Variants in NFATC2 observed in about 807,000 individuals in gnomAD.
NFATC2 encodes the protein nuclear factor of activated T-cells, cytoplasmic 2.
NFATC2 carries 22 observed loss-of-function variants against 87.3 expected under a neutral mutation model. That is an observed-to-expected ratio of 0.25 (90% confidence interval 0.18 to 0.36). The LOEUF (loss-of-function observed/expected upper bound fraction) is 0.36. Among genes scored for constraint, NFATC2 ranks in the 10% least tolerant of loss-of-function variants. The probability of loss-of-function intolerance (pLI) is 1.00; values close to 1 mark genes in which losing one functional copy is unlikely to be tolerated. For missense variants in NFATC2, 1,149 were observed against 1,259.1 expected (o/e 0.91, Z 1.32); for synonymous variants, 565 against 542.2 (o/e 1.04, Z -0.58).
Position 51,401,759 on chromosome 20 carries a change from G to A in NFATC2, c.2723-3029C>T, listed in dbSNP as rs115079458. Among the ~76,000 whole-genome samples the A allele has an allele frequency of 9.1e-4, 138 of 152,274 alleles. 1 individual carries two copies. The highest frequency in any genetic ancestry group is 3.3e-3 in the African/African-American group (136 of 41,570). ...GCATAAACTGGTGAGTCATCCCACT[G>A]ATCCTATGGACTAGGTGATAATTTA... On this transcript the variant is annotated intron_variant, in intron 9 of 10. Coordinates refer to ENST00000371564, the MANE Select transcript of NFATC2 (RefSeq NM_012340.5).
At chr20:51,419,798 C>T (rs992350086) in intron 9 of NFATC2, among the ~76,000 whole-genome samples, 1 of 152,142 alleles carries the variant, frequency 6.6e-6, no homozygotes, top group Non-Finnish European at 1.5e-5. Context: ...CCCCTTCTCA[C>T]GTGTAGGAGA....
chr20:51,415,175 G>T (rs1424860396), intron 9 of NFATC2, among the ~76,000 whole-genome samples: 3 of 148,876 alleles, frequency 2.0e-5, no homozygotes, highest in African/African-American at 4.9e-5. Context: ...GGGCCTGGGA[G>T]TTTGAGGCTG....
At chr20:51,446,823 G>C (rs965655803) in intron 6 of NFATC2, among the ~76,000 whole-genome samples, 1 of 152,200 alleles carries the variant, frequency 6.6e-6, no homozygotes, top group African/African-American at 2.4e-5. Flanking sequence ...GCTCCAGCCC[G>C]GGGGGCCACT....
At chr20:51,531,734 C>G (rs1245866522) in intron 1 of NFATC2, among the ~76,000 whole-genome samples, 1 of 152,174 alleles carries the variant, frequency 6.6e-6, no homozygotes, top group African/African-American at 2.4e-5. Flanking sequence ...AGAATCAATA[C>G]CCAGTAAATG....
At chr20:51,558,688 G>C (rs1461745243) in intron 1 of NFATC2, among the ~76,000 whole-genome samples, 1 of 152,126 alleles carries the variant, frequency 6.6e-6, no homozygotes, top group Non-Finnish European at 1.5e-5. Context: ...CAAATAAATA[G>C]TTAAAGCCTG....
intron 3 of NFATC2, among the ~76,000 whole-genome samples, chr20:51,499,758 A>C (rs1388819636): frequency 6.6e-6 from 1 of 150,880 alleles, no homozygotes; most frequent in Non-Finnish European, 1.5e-5. Context: ...AAAAAAAGAA[A>C]GAAAGAAAGA....
chr20:51,535,139 T>A (rs2076698723), intron 1 of NFATC2, among the ~76,000 whole-genome samples: 1 of 152,156 alleles, frequency 6.6e-6, no homozygotes, highest in African/African-American at 2.4e-5. Context: ...AAGGAAAGAT[T>A]TGGTCAGAAG....
At chr20:51,429,351 C>G (rs938807426) in intron 9 of NFATC2, among the ~76,000 whole-genome samples, 1 of 152,222 alleles carries the variant, frequency 6.6e-6, no homozygotes, top group Non-Finnish European at 1.5e-5. Context: ...CTGAACATAA[C>G]TAGTGGCACT....
chr20:51,435,576 A>G, intron 7 of NFATC2, 130 bp downstream of exon 7: 1 of 993,138 alleles, frequency 1.0e-6, no homozygotes, highest in Non-Finnish European at 1.5e-6. Flanking sequence ...ATTAATATGC[A>G]CATATTGAGT....
At chr20:51,415,327 T>C (rs1424359148) in intron 9 of NFATC2, among the ~76,000 whole-genome samples, 4 of 152,144 alleles carry the variant, frequency 2.6e-5, no homozygotes. Flanking sequence ...CTTGTGTGTC[T>C]GCATCTTATT....
chr20:51,473,243 C>T (rs1303266750), intron 5 of NFATC2, among the ~76,000 whole-genome samples: 1 of 152,062 alleles, frequency 6.6e-6, no homozygotes, highest in Non-Finnish European at 1.5e-5. Context: ...TCATTAAGGC[C>T]AGAGAAAGTG....
At chr20:51,522,573 C>CATT (rs11471491) in intron 2 of NFATC2, among the ~76,000 whole-genome samples, 10 of 145,504 alleles carry the variant, frequency 6.9e-5, no homozygotes, top group Admixed American at 5.5e-4. Context: ...TCACATATTT[C>CATT]TTTTTTTTTT....
chr20:51,508,402 C>G (rs1336225508), intron 3 of NFATC2, among the ~76,000 whole-genome samples: 16 of 152,158 alleles, frequency 1.1e-4, no homozygotes, highest in Admixed American at 1.0e-3. Context: ...GCCGGGGACA[C>G]GTGCGGCGGG....
Position 51,523,500 on chromosome 20 carries a change from C to A in NFATC2, c.741G>T (p.Ser247=), listed in dbSNP as rs35195881. ...ACGAATGCCTCCGCTTGGCACCAGG[C>A]GATGAGGAGCGGGAGGCCGGACGGG... ...PVPRPASRSS[S]PGAKRRHSCA... is the part of the protein sequence containing the mutation. Residue 247 remains serine, a synonymous_variant, in exon 2 of 11, where the codon TCG becomes TCT. Transcript: ENST00000371564. This position sits in a 1 kb window ranked among gnomAD's most constrained non-coding sequence, Gnocchi z 6.9. 1 of 1,612,674 alleles carries A rather than the reference C, an allele frequency of 6.2e-7. No homozygotes were observed. Among genetic ancestry groups the A allele is most frequent in the South Asian group, 1.1e-5 (1 of 91,008 alleles).
chr20:51,543,975 A>ATTTTTT (rs11473264), upstream of NFATC2, among the ~76,000 whole-genome samples: 146 of 72,976 alleles, frequency 2.0e-3, 29 homozygotes, highest in South Asian at 0.011. Flanking sequence ...AGAATTCCTA[A>ATTTTTT]TTTTTTTTTT....
At chr20:51,503,220 T>C (rs1326099790) in intron 3 of NFATC2, among the ~76,000 whole-genome samples, 3 of 152,178 alleles carry the variant, frequency 2.0e-5, no homozygotes, top group African/African-American at 7.2e-5. Context: ...ACCTTTCAAA[T>C]TGTGCACCAT....
chr20:51,518,314 G>A (rs1357303991), intron 2 of NFATC2, among the ~76,000 whole-genome samples: 1 of 152,088 alleles, frequency 6.6e-6, no homozygotes, highest in African/African-American at 2.4e-5. Context: ...GGGCTGCTAG[G>A]AGCTGACACT....
rs569280643 is a variant in NFATC2, at chr20:51,491,115, C to T, written c.1333-15455G>A. 1.1e-4 allele frequency among the ~76,000 whole-genome samples: 17 copies of T among 152,294 alleles called. No individual in the cohort carries two copies. In the East Asian group the frequency reaches 2.9e-3, roughly 26 times the overall value. ...AAAAGTACCACTGCCTGCCCACAAG[C>T]TAGGAGAATGTCCTGTATTCAGAGA... is the stretch of plus-strand genomic sequence containing the variant. On this transcript the variant is annotated intron_variant, in intron 3 of 10. Coordinates refer to ENST00000371564, the MANE Select transcript of NFATC2 (RefSeq NM_012340.5).
chr20:51,478,408 C>G (rs747434423), intron 3 of NFATC2, among the ~76,000 whole-genome samples: 27 of 152,164 alleles, frequency 1.8e-4, no homozygotes, highest in Non-Finnish European at 4.0e-4. Flanking sequence ...TGATGTGGAG[C>G]TGTTTCCTCC....
Sources: allele counts gnomAD v4.1 joint callset (sites outside exome capture counted in the v4.1 genomes callset), GRCh38; gene constraint gnomAD v4.1.1; non-coding constraint Gnocchi (gnomAD v3.1); transcripts MANE v1.5; gene names NCBI Gene and HGNC (gene_info 2026-07-23, HGNC 2026-07-21).